The following OR1J2 variants were observed in gnomAD, a reference collection of about 807,000 sequenced individuals.
OR1J2 encodes the protein olfactory receptor family 1 subfamily J member 2.
For missense variants in OR1J2, 304 were observed against 246.1 expected (o/e 1.24, Z -1.57); for synonymous variants, 142 against 99.7 (o/e 1.42, Z -2.52).
chr9:122,551,905 C>T, the OR1J2 span, among the ~76,000 whole-genome samples: 1 of 151,980 alleles, frequency 6.6e-6, no homozygotes, highest in Non-Finnish European at 1.5e-5. Context: ...GACTTTATTG[C>T]CTCTGAGTCA....
the OR1J2 span, chr9:122,477,356 C>T: frequency 6.2e-7 from 1 of 1,614,092 alleles, no homozygotes. Context: ...AGGGAGGTGT[C>T]TGAGCAGGAC....
chr9:122,470,035 A>G, the OR1J2 span, among the ~76,000 whole-genome samples: 4 of 152,212 alleles, frequency 2.6e-5, no homozygotes, highest in African/African-American at 9.7e-5. Context: ...ATAGGATAGA[A>G]AATCTTATTT....
At chr9:122,459,713 A>G in the OR1J2 span, among the ~76,000 whole-genome samples, 6 of 152,194 alleles carry the variant, frequency 3.9e-5, no homozygotes, top group Admixed American at 2.0e-4. Context: ...AAATTTCAAT[A>G]AGTTTTTGGG....
chr9:122,536,606 T>C, the OR1J2 span, among the ~76,000 whole-genome samples: 7 of 152,202 alleles, frequency 4.6e-5, no homozygotes, highest in African/African-American at 1.7e-4. Flanking sequence ...TACATTTGCA[T>C]TCGAGAACTG....
At chr9:122,490,810 CAAAAG>C in the OR1J2 span, among the ~76,000 whole-genome samples, 2 of 152,198 alleles carry the variant, frequency 1.3e-5, no homozygotes, top group East Asian at 1.9e-4. Context: ...GCATATTACT[CAAAAG>C]GAAAGAAAGA....
chr9:122,485,670 C>T, the OR1J2 span, among the ~76,000 whole-genome samples: 1 of 152,244 alleles, frequency 6.6e-6, no homozygotes, highest in South Asian at 2.1e-4. Flanking sequence ...ATGGCCAACA[C>T]TCTAACTCAG....
the OR1J2 span, among the ~76,000 whole-genome samples, chr9:122,535,773 C>G: frequency 2.0e-4 from 30 of 152,166 alleles, no homozygotes; most frequent in African/African-American, 7.0e-4. Flanking sequence ...AAGAGACCAC[C>G]AAACAGGCTT....
At chr9:122,559,305 T>G in the OR1J2 span, among the ~76,000 whole-genome samples, 1 of 151,782 alleles carries the variant, frequency 6.6e-6, no homozygotes, top group Non-Finnish European at 1.5e-5. Flanking sequence ...TATTTATTTT[T>G]ATTTTTTTTT....
the OR1J2 span, among the ~76,000 whole-genome samples, chr9:122,453,438 C>T: frequency 6.6e-6 from 1 of 152,174 alleles, no homozygotes; most frequent in Non-Finnish European, 1.5e-5. Flanking sequence ...TCCTAAGTCC[C>T]TCTTAGTACT....
the OR1J2 span, among the ~76,000 whole-genome samples, chr9:122,571,991 C>G: frequency 6.6e-6 from 1 of 152,152 alleles, no homozygotes; most frequent in South Asian, 2.1e-4. Flanking sequence ...CTTGCAGTTT[C>G]TGATTCTGGG....
At chr9:122,519,038 CAGTAGCAAGGATCTTA>C in the OR1J2 span, 3 of 760,562 alleles carry the variant, frequency 3.9e-6, no homozygotes, top group Non-Finnish European at 6.6e-6. Context: ...GCATATTCAT[CAGTAGCAAGGATCTTA>C]TTCTTATCTG....
chr9:122,485,697 C>A, the OR1J2 span, among the ~76,000 whole-genome samples: 1 of 152,172 alleles, frequency 6.6e-6, no homozygotes, highest in Admixed American at 6.5e-5. Flanking sequence ...TGGCTGAGAG[C>A]AATTTATTTG....
chr9:122,465,133 C>A, the OR1J2 span, among the ~76,000 whole-genome samples: 20 of 152,168 alleles, frequency 1.3e-4, no homozygotes, highest in Non-Finnish European at 2.8e-4. Flanking sequence ...GAAAAAAAAT[C>A]TCTTGTCAGG....
the OR1J2 span, chr9:122,553,848 C>T: frequency 1.9e-6 from 3 of 1,613,912 alleles, no homozygotes; most frequent in Non-Finnish European, 2.5e-6. Flanking sequence ...CCTCACTGTT[C>T]CCCTCCTGCT....
chr9:122,519,269 G>A, the OR1J2 span: 1 of 1,613,902 alleles, frequency 6.2e-7, no homozygotes, highest in Admixed American at 1.7e-5. Context: ...TGGGGAACCT[G>A]CTCATCATCC....
chr9:122,448,906 T>G, the OR1J2 span: 1 of 146,566 alleles, frequency 6.8e-6, no homozygotes, highest in African/African-American at 2.5e-5. Context: ...CAGTCTGACC[T>G]CTCTTTCTTT....
At chr9:122,477,869 G>A in the OR1J2 span, 37 of 1,612,854 alleles carry the variant, frequency 2.3e-5, 2 homozygotes, top group Middle Eastern at 1.8e-3. Context: ...TGCTCTGGCC[G>A]GATGGGGAGG....
At chr9:122,557,534 C>T in the OR1J2 span, among the ~76,000 whole-genome samples, 116 of 152,062 alleles carry the variant, frequency 7.6e-4, no homozygotes, top group African/African-American at 2.6e-3. Context: ...GTTAGAGTAG[C>T]CCTGCATTCC....
chr9:122,564,043 C>T, the OR1J2 span, among the ~76,000 whole-genome samples: 30 of 152,120 alleles, frequency 2.0e-4, no homozygotes, highest in African/African-American at 6.8e-4. Flanking sequence ...AGTGTGATGC[C>T]TCCTGTCATT....
Sources: gnomAD v4.1 joint callset for allele counts (sites outside exome capture counted in the v4.1 genomes callset) on GRCh38, gnomAD v4.1.1 for gene constraint, MANE v1.5 for transcripts, NCBI Gene and HGNC (gene_info 2026-07-23, HGNC 2026-07-21) for gene names.